The following TRO variants were observed in gnomAD, a reference collection of about 807,000 sequenced individuals.
TRO encodes the protein trophinin.
A neutral mutation model predicts 42.3 loss-of-function variants in TRO; 29 were observed. That is an observed-to-expected ratio of 0.68 (90% CI 0.51 to 0.93). TRO has a LOEUF of 0.93. TRO is among the 40% of genes least tolerant of loss of function. The pLI is 0.00. For missense variants in TRO, 963 were observed against 1,127.7 expected, an observed-to-expected ratio of 0.85 and a Z score of 2.09; for synonymous variants, 384 against 425.2, an observed-to-expected ratio of 0.90 and a Z score of 1.19.
At position 54,930,223 on chromosome X, in the gene TRO, CTATGCTTTGGTGG is replaced by C; in HGVS notation, c.3500_3512del (p.Leu1167ProfsTer33). 8.3e-7 allele frequency: 1 copy of C among 1,211,467 alleles called. No individual in the cohort carries two copies. The highest frequency in any genetic ancestry group is 1.1e-6 in the Non-Finnish European group (1 of 895,313). ...CTTTGGCAGTGCATCTAATACTAAC[CTATGCTTTGGTGG>C]CCCTCCTAGCACCAGTGCCTGCTTT... On this transcript the variant is annotated frameshift_variant, in exon 12 of 13. Coordinates refer to ENST00000173898, the MANE Select transcript of TRO (RefSeq NM_001039705.3). LOFTEE classifies it low-confidence loss of function (END_TRUNC).
In TRO at chrX:54,922,882, A is replaced by G; in HGVS notation, c.350A>G (p.Gln117Arg). 2 of 1,211,893 alleles carry G rather than the reference A, an allele frequency of 1.7e-6. No homozygotes were observed. The highest frequency in any genetic ancestry group is 2.2e-6 in the Non-Finnish European group (2 of 895,493). ...CTGCCAGTCATTACCCAGATCAGCC[A>G]GGCTTTACCTACCACTGAGGTAACC... is the stretch of plus-strand genomic sequence containing the variant. ...LNLPVITQIS[Q>R]ALPTTEVTNT... The change falls in exon 3 of 13, where the codon CAG becomes CGG. Residue 117 changes from glutamine to arginine, a missense_variant. This residue lies in a region of TRO where 322 missense variants were observed against 316.5 expected (regional missense o/e 1.02). Coordinates refer to ENST00000173898, the MANE Select transcript of TRO (RefSeq NM_001039705.3).
chrX:54,930,743 G>A lies in TRO; in HGVS notation c.4019G>A (p.Gly1340Asp), dbSNP rs45438793. 7,060 of 1,211,200 alleles carry A rather than the reference G, an allele frequency of 5.8e-3. 19 individuals are homozygous for A. Among genetic ancestry groups the A allele is most frequent in the Non-Finnish European group, 7.0e-3 (6,304 of 895,467 alleles). The change falls in exon 12 of 13, where the codon GGT becomes GAT. Residue 1340 changes from glycine to aspartate, a missense_variant. Gly to Asp is a moderately conservative substitution (Grantham distance 94, BLOSUM62 -1). Transcript: ENST00000173898. ...AGTACCATCATTGGCTTTGGCAGTG[G>A]TTCCAACACCAGCACTGGCTTTACT... ...GLSTIIGFGSGSNTSTGFTGE... is the reference protein window; with the variant it reads ...GLSTIIGFGSDSNTSTGFTGE...
At chrX:54,924,346 G>A in intron 3 of TRO, 105 bp from the exon 4 acceptor site, 1 of 742,564 alleles carries the variant, frequency 1.3e-6, no homozygotes. Context: ...GCAAGGCTGA[G>A]GGAGGGGGTT....
At chrX:54,927,971 G>A (rs781505203) in intron 11 of TRO, among the ~76,000 whole-genome samples, 190 bp downstream of exon 11, 24 of 112,812 alleles carry the variant, frequency 2.1e-4, no homozygotes, top group Non-Finnish European at 2.8e-4. Flanking sequence ...TTCATACTTT[G>A]TATTAATCAG....
At chrX:54,921,545 G>T in intron 1 of TRO, 3 of 112,696 alleles carry the variant, frequency 2.7e-5, no homozygotes. Context: ...GTGTTGGTTG[G>T]GGAAGGGGTG....
chrX:54,925,781 AG>A (rs1932681103), intron 7 of TRO, 98 bp downstream of exon 7: 3 of 722,512 alleles, frequency 4.2e-6, no homozygotes, highest in Non-Finnish European at 4.1e-6. Context: ...TTAGAGAGTC[AG>A]GAAAAACAGG....
chrX:54,929,399 T>C lies in TRO; in HGVS notation c.2675T>C (p.Ile892Thr), dbSNP rs867161503. 4 of 1,211,016 alleles carry C rather than the reference T, an allele frequency of 3.3e-6. No homozygotes were observed. The highest frequency in any genetic ancestry group is 3.4e-6 in the Non-Finnish European group (3 of 895,186). ...AGCACCAGCACTGGCTTTGGAGGCA[T>C]ACTCAGCACCAGTGTCTGTTTTGGT... is the stretch of plus-strand genomic sequence containing the variant. ...ALSTSTGFGG[I>T]LSTSVCFGGS... Residue 892 changes from isoleucine to threonine, a missense_variant, in exon 12 of 13, where the codon ATA becomes ACA. Ile to Thr is a moderately conservative substitution (Grantham distance 89). Transcript: ENST00000173898.
Position 54,928,666 on chromosome X carries a change from C to T in TRO, c.1942C>T (p.Gln648Ter). The T allele has an allele frequency of 8.3e-7, 1 of 1,199,882 alleles. No homozygotes were observed. The highest frequency in any genetic ancestry group is 1.1e-6 in the Non-Finnish European group (1 of 889,662). ...QYREAVEMEVQAAAVAVAEAE... is the reference protein window; with the variant it reads ...QYREAVEMEV Reference sequence around the variant, plus strand: ...CCGCGAGGCAGTGGAGATGGAAGTCCAAGCTGCAGCTGTGGCTGTGGCTGA... The same window carrying T: ...CCGCGAGGCAGTGGAGATGGAAGTCTAAGCTGCAGCTGTGGCTGTGGCTGA... The change falls in exon 12 of 13, where the codon CAA becomes TAA. Residue 648 changes from glutamine (Q) to a stop codon, truncating the protein, a stop_gained. Coordinates refer to ENST00000173898, the MANE Select transcript of TRO (RefSeq NM_001039705.3). LOFTEE classifies it high-confidence loss of function.
At chrX:54,927,831 T>C in intron 11 of TRO, 50 bp downstream of exon 11, 1 of 1,079,365 alleles carries the variant, frequency 9.3e-7, no homozygotes, top group Non-Finnish European at 1.3e-6. Flanking sequence ...TGGGATACCC[T>C]TGGCTGGGGC....
chrX:54,925,793 G>T, intron 7 of TRO, 110 bp downstream of exon 7: 1 of 645,660 alleles, frequency 1.5e-6, no homozygotes, highest in Non-Finnish European at 2.4e-6. Context: ...GAAAAACAGG[G>T]TCTCAAAAGC....
In TRO at chrX:54,928,600, C is replaced by G. The variant is rs1932855919; in HGVS notation, c.1879-3C>G. On this transcript the variant is annotated splice_polypyrimidine_tract_variant and splice_region_variant and intron_variant, in intron 11 of 12. Transcript: ENST00000173898. ...CTTATTATGATTATCATCCCCATTT[C>G]AGGTGCAGAAGAAAGACCCCAAGGA... The G allele has an allele frequency of 8.8e-7, 1 of 1,140,594 alleles. No individual in the cohort carries two copies. Among genetic ancestry groups the G allele is most frequent in the South Asian group, 2.2e-5 (1 of 46,275 alleles). 94.0% of individuals were successfully genotyped at this position (1,140,594 alleles called of 1,213,427 possible). A position where few individuals can be genotyped will look rare whatever the true frequency, so the allele number is the denominator to read the frequency against.
intron 1 of TRO, chrX:54,921,900 G>C (rs1233407995): frequency 5.0e-6 from 1 of 201,727 alleles, no homozygotes; most frequent in Non-Finnish European, 8.9e-6. Flanking sequence ...TGCGCGCGGA[G>C]GGCATTGAAG....
In TRO at chrX:54,922,131, A is replaced by G. The variant is rs141165169; in HGVS notation, c.-44-72A>G. 552 of 855,547 alleles carry G rather than the reference A, an allele frequency of 6.5e-4. 2 individuals are homozygous for G. In the African/African-American group the frequency reaches 0.01, roughly 16 times the overall value. 70.5% of individuals were successfully genotyped at this position (855,547 alleles called of 1,213,427 possible). On this transcript the variant is annotated intron_variant, in intron 1 of 12. Transcript: ENST00000173898. ...TGAAGGGATTAGGGCCCAAGGTTAC[A>G]TGAGACTCCCCTAAGTCAGGATAGG...
Position 54,923,201 on chromosome X carries a change from G to A in TRO, c.669G>A (p.Ser223=), listed in dbSNP as rs764308443. 7 of 1,209,534 alleles carry A rather than the reference G, an allele frequency of 5.8e-6. No individual in the cohort carries two copies. In the East Asian group the frequency reaches 8.9e-5, roughly 15 times the overall value. The part of the protein sequence containing the change: ...NKAIASATEV[S]LAATATHTAT... ...CCATAGCTAGTGCCACCGAGGTCTC[G>A]CTGGCTGCAACTGCCACCCATACAG... is the stretch of plus-strand genomic sequence containing the variant. The change falls in exon 3 of 13, where the codon TCG becomes TCA. Residue 223 remains serine (S), a synonymous_variant. Transcript: ENST00000173898.
At chrX:54,927,632 T>G (rs1486739904) in intron 10 of TRO, 35 bp from the exon 11 acceptor site, 1 of 1,138,199 alleles carries the variant, frequency 8.8e-7, no homozygotes, top group East Asian at 3.0e-5. Flanking sequence ...GCAGGGTTGC[T>G]TGGTTAGAAA....
Position 54,930,630 on chromosome X carries a change from A to G in TRO, c.3906A>G (p.Thr1302=), listed in dbSNP as rs1397652472. Reference sequence around the variant, plus strand: ...GCACCAATGCTAGTTTCGGCAGCACACTTGGCACCAGTGCTGGCTTTAGTG... The same window carrying G: ...GCACCAATGCTAGTTTCGGCAGCACGCTTGGCACCAGTGCTGGCTTTAGTG... The part of the protein sequence containing the change: ...GLGTNASFGS[T]LGTSAGFSGG... The change falls in exon 12 of 13, where the codon ACA becomes ACG. Residue 1302 remains threonine (T), a synonymous_variant. Coordinates refer to ENST00000173898, the MANE Select transcript of TRO (RefSeq NM_001039705.3). 1.2e-5 allele frequency: 15 copies of G among 1,209,043 alleles called. No homozygotes were observed. Among genetic ancestry groups the G allele is most frequent in the Non-Finnish European group, 1.7e-5 (15 of 894,136 alleles).
chrX:54,931,170 T>A, intron 12 of TRO, 34 bp from the exon 13 acceptor site: 2 of 1,207,869 alleles, frequency 1.7e-6, no homozygotes, highest in Middle Eastern at 2.3e-4. Flanking sequence ...GTGTATTTGG[T>A]GCTAAAATGT....
At chrX:54,925,754 C>T in intron 7 of TRO, 71 bp downstream of exon 7, 1 of 911,129 alleles carries the variant, frequency 1.1e-6, no homozygotes, top group Non-Finnish European at 1.6e-6. Context: ...CTTCTTTGTC[C>T]TACTTCCCCC....
At chrX:54,931,159 A>G in intron 12 of TRO, 45 bp from the exon 13 acceptor site, 1 of 1,205,354 alleles carries the variant, frequency 8.3e-7, no homozygotes, top group Non-Finnish European at 1.1e-6. Flanking sequence ...ATGAGAAGAC[A>G]GTGTATTTGG....
Sources: gnomAD v4.1 joint callset for allele counts (sites outside exome capture counted in the v4.1 genomes callset) on GRCh38, gnomAD v4.1.1 for gene constraint, gnomAD v4.1.1 regional missense constraint, MANE v1.5 for transcripts, NCBI Gene and HGNC (gene_info 2026-07-23, HGNC 2026-07-21) for gene names.